LRP2: variants seen among roughly 807,000 people sequenced by gnomAD.
The protein encoded by LRP2 is low-density lipoprotein receptor-related protein 2.
LRP2 carries 172 observed loss-of-function variants against 531.0 expected under a neutral mutation model. That is an observed-to-expected ratio of 0.32 (90% CI 0.29 to 0.37). The LOEUF (loss-of-function observed/expected upper bound fraction) is 0.37. Ranked by LOEUF, LRP2 falls within the 10% of genes least tolerant of loss-of-function variation. LRP2 has a pLI of 1.00. For missense variants in LRP2, 5,167 were observed against 5,868.3 expected, an observed-to-expected ratio of 0.88 and a Z score of 3.90; for synonymous variants, 1,992 against 2,027.6, an observed-to-expected ratio of 0.98 and a Z score of 0.47.
chr2:169,264,528 A>T (rs960924088), intron 16 of LRP2, among the ~76,000 whole-genome samples: 3 of 152,062 alleles, frequency 2.0e-5, no homozygotes, highest in African/African-American at 7.2e-5. Context: ...GACAAACCAA[A>T]CATGTTTATC....
chr2:169,341,165 G>A (rs549172800), intron 1 of LRP2, among the ~76,000 whole-genome samples: 317 of 152,234 alleles, frequency 2.1e-3, no homozygotes, highest in Non-Finnish European at 3.4e-3. Context: ...GAGGGGAGGG[G>A]ACGCCTCACA....
chr2:169,259,707 C>A (rs1363726711), intron 16 of LRP2, among the ~76,000 whole-genome samples: 1 of 150,416 alleles, frequency 6.6e-6, no homozygotes, highest in Non-Finnish European at 1.5e-5. Flanking sequence ...AGCAGAGATA[C>A]CAGAAAGGAA....
At chr2:169,170,724 ATC>A in intron 58 of LRP2, 57 bp from the exon 59 acceptor site, 1 of 1,226,014 alleles carries the variant, frequency 8.2e-7, no homozygotes, top group South Asian at 1.2e-5. Flanking sequence ...TACAGGAGAC[ATC>A]TTGTGAGCTG....
chr2:169,271,007 A>G lies in LRP2; in HGVS notation c.2217T>C (p.Asn739=), dbSNP rs1432852245. The change falls in exon 16 of 79, where the codon AAT becomes AAC. Residue 739 remains asparagine, a synonymous_variant. Transcript: ENST00000649046. ...QEDVMVPVSG[N]PSFFVGIDFD... Reference sequence around the variant, plus strand: ...AATCAATCCCGACAAAGAAAGAAGGATTCCCCGAAACTGGAACCATGACAT... The same window carrying G: ...AATCAATCCCGACAAAGAAAGAAGGGTTCCCCGAAACTGGAACCATGACAT... The G allele has an allele frequency of 6.2e-7, 1 of 1,613,262 alleles. No individual in the cohort carries two copies. The highest frequency in any genetic ancestry group is 8.5e-7 in the Non-Finnish European group (1 of 1,179,598).
chr2:169,328,013 T>C (rs1025328800), intron 1 of LRP2, among the ~76,000 whole-genome samples: 1 of 28,794 alleles, frequency 3.5e-5, no homozygotes, highest in Non-Finnish European at 6.8e-5. Flanking sequence ...GGGAGGGAGG[T>C]GGGGGGGGGT....
At chr2:169,346,440 G>T (rs1685699162) in intron 1 of LRP2, among the ~76,000 whole-genome samples, 1 of 151,984 alleles carries the variant, frequency 6.6e-6, no homozygotes, top group African/African-American at 2.4e-5. Context: ...AAAAAAAAAT[G>T]CAGAATTTTG....
Position 169,288,966 on chromosome 2 carries a change from C to T in LRP2, c.1042+60G>A, listed in dbSNP as rs901298999. The T allele has an allele frequency of 6.8e-6, 11 of 1,610,054 alleles. No homozygotes were observed. The African/African-American group carries it at 1.1e-4, about 16-fold the overall frequency. ...GTGCAACCTCCTAGATGTCAGAGAT[C>T]AGGGCACCCATCAGTGTACTGTAAT... On this transcript the variant is annotated intron_variant, in intron 9 of 78. Coordinates refer to ENST00000649046, the MANE Select transcript of LRP2 (RefSeq NM_004525.3).
chr2:169,202,529 C>A (rs1178679202), intron 43 of LRP2, among the ~76,000 whole-genome samples: 1 of 152,282 alleles, frequency 6.6e-6, no homozygotes. Context: ...CAGGTCTATA[C>A]AGATTACAAA....
At chr2:169,326,575 T>C (rs1209146730) in intron 1 of LRP2, among the ~76,000 whole-genome samples, 12 of 151,822 alleles carry the variant, frequency 7.9e-5, no homozygotes, top group Non-Finnish European at 1.3e-4. Flanking sequence ...ACAACCTCCA[T>C]CTCCCAGCCG....
chr2:169,247,294 A>T, intron 20 of LRP2, 84 bp downstream of exon 20: 1 of 1,364,194 alleles, frequency 7.3e-7, no homozygotes, highest in Non-Finnish European at 1.0e-6. Flanking sequence ...TTTAAGTAAT[A>T]AGTACTTAAA....
chr2:169,146,005 T>C, intron 69 of LRP2, 82 bp from the exon 70 acceptor site: 1 of 1,239,976 alleles, frequency 8.1e-7, no homozygotes. Context: ...CTTCTAGATC[T>C]GATGTCATTC....
Position 169,242,355 on chromosome 2 carries a change from T to C in LRP2, c.3667+601A>G, listed in dbSNP as rs367638913. On this transcript the variant is annotated intron_variant, in intron 24 of 78. Transcript: ENST00000649046. Reference sequence around the variant, plus strand: ...TCCATCAGAATTATACTGTATGAAGTCCTACTTGAATCCTCCAACTAGAAG... The same window carrying C: ...TCCATCAGAATTATACTGTATGAAGCCCTACTTGAATCCTCCAACTAGAAG... Among the ~76,000 whole-genome samples, 21 of 152,338 alleles carry C rather than the reference T, an allele frequency of 1.4e-4. No individual in the cohort carries two copies. The East Asian group carries it at 3.3e-3, about 24-fold the overall frequency.
At chr2:169,353,610 T>C (rs1490408211) in intron 1 of LRP2, among the ~76,000 whole-genome samples, 8 of 152,218 alleles carry the variant, frequency 5.3e-5, no homozygotes, top group South Asian at 2.1e-4. Context: ...ACCCCCCTTC[T>C]AGTGAGATTA....
chr2:169,352,645 T>A (rs1453983216), intron 1 of LRP2, among the ~76,000 whole-genome samples: 2 of 152,148 alleles, frequency 1.3e-5, no homozygotes, highest in African/African-American at 2.4e-5. Context: ...TTGTGGCACA[T>A]ATGCACCATG....
At position 169,280,095 on chromosome 2, in the gene LRP2, C is replaced by G. The variant is rs537100781; in HGVS notation, c.1341+255G>C. Among the ~76,000 whole-genome samples, 4 of 152,298 alleles carry G rather than the reference C, an allele frequency of 2.6e-5. No homozygotes were observed. The East Asian group carries it at 7.7e-4, about 29-fold the overall frequency. On this transcript the variant is annotated intron_variant, in intron 11 of 78. Coordinates refer to ENST00000649046, the MANE Select transcript of LRP2 (RefSeq NM_004525.3). ...AGTTTTGAAAGAATGTCTACTATTT[C>G]TTTTAATTAGGCTCCTGGACTCCAC...
chr2:169,276,592 C>G (rs1368604332), intron 13 of LRP2, among the ~76,000 whole-genome samples: 2 of 152,054 alleles, frequency 1.3e-5, no homozygotes, highest in Non-Finnish European at 2.9e-5. Context: ...CTTCATTTAA[C>G]CAAGCAGAGA....
At chr2:169,194,716 C>CTTTTTT (rs869249150) in intron 46 of LRP2, among the ~76,000 whole-genome samples, 2 of 102,984 alleles carry the variant, frequency 1.9e-5, no homozygotes, top group African/African-American at 4.1e-5. Context: ...TTGATCCAGA[C>CTTTTTT]TTTTTTTTTT....
Position 169,271,101 on chromosome 2 carries a change from T to C in LRP2, c.2123A>G (p.Gln708Arg). The change falls in exon 16 of 79, where the codon CAG becomes CGG. Residue 708 changes from glutamine to arginine, a missense_variant. This residue lies in a region of LRP2 where 2,811 missense variants were observed against 3,058.0 expected (regional missense o/e 0.92). Coordinates refer to ENST00000649046, the MANE Select transcript of LRP2 (RefSeq NM_004525.3). ...TTGGGATGAAAAAATGAGGAAATTC[T>C]GAACAGCTGTAGGAAGAATAACACA... ...DTDERHCIAV[Q>R]NFLIFSSQVA... The C allele has an allele frequency of 3.7e-6, 6 of 1,611,682 alleles. No individual in the cohort carries two copies. The highest frequency in any genetic ancestry group is 5.1e-6 in the Non-Finnish European group (6 of 1,178,360).
intron 77 of LRP2, among the ~76,000 whole-genome samples, chr2:169,129,653 T>A (rs1434678369): frequency 6.6e-6 from 1 of 152,218 alleles, no homozygotes; most frequent in Non-Finnish European, 1.5e-5. Flanking sequence ...TGATTTTTTT[T>A]AACAAACCCC....
Sources: gnomAD v4.1 joint callset for allele counts (sites outside exome capture counted in the v4.1 genomes callset) on GRCh38, gnomAD v4.1.1 for gene constraint, gnomAD v4.1.1 regional missense constraint, MANE v1.5 for transcripts, NCBI Gene and HGNC (gene_info 2026-07-23, HGNC 2026-07-21) for gene names.